ENOX1: variants seen among roughly 807,000 people sequenced by gnomAD.
The protein encoded by ENOX1 is ecto-NOX disulfide-thiol exchanger 1, also known as candidate growth-related and time keeping constitutive hydroquinone (NADH) oxidase.
Under a neutral mutation model 82.5 loss-of-function variants are expected in ENOX1, and 42 were observed. The observed-to-expected ratio is 0.51, with a 90% confidence interval of 0.40 to 0.66. The LOEUF is 0.66. Among genes scored for constraint, ENOX1 ranks in the 30% least tolerant of loss-of-function variants. The pLI, the probability that ENOX1 is intolerant of heterozygous loss-of-function variation, is 0.00. For missense variants in ENOX1, 608 were observed against 811.6 expected (o/e 0.75, Z 3.05); for synonymous variants, 271 against 282.2 (o/e 0.96, Z 0.40).
intron 2 of ENOX1, among the ~76,000 whole-genome samples, chr13:43,650,317 T>C (rs1280074978): frequency 1.3e-5 from 2 of 152,234 alleles, no homozygotes; most frequent in African/African-American, 2.4e-5. Context: ...TTGCTTTTTT[T>C]TCTTTTTATG....
At chr13:43,632,767 GTTTT>G (rs1287065593) in intron 2 of ENOX1, among the ~76,000 whole-genome samples, 2 of 152,006 alleles carry the variant, frequency 1.3e-5, no homozygotes, top group South Asian at 4.1e-4. Context: ...AATTTTAATT[GTTTT>G]ATTATAATTT....
chr13:43,570,870 A>G (rs751499113), intron 2 of ENOX1, among the ~76,000 whole-genome samples: 18 of 152,216 alleles, frequency 1.2e-4, no homozygotes, highest in Non-Finnish European at 2.4e-4. Flanking sequence ...TACATATTGT[A>G]TATTTTAGGC....
intron 9 of ENOX1, among the ~76,000 whole-genome samples, chr13:43,328,049 T>G (rs2048212848): frequency 1.3e-5 from 2 of 152,172 alleles, no homozygotes; most frequent in Non-Finnish European, 2.9e-5. Flanking sequence ...AGGATTTGCC[T>G]TCAATTTGTC....
chr13:43,695,144 C>T (rs926290355), intron 1 of ENOX1, among the ~76,000 whole-genome samples: 2 of 152,092 alleles, frequency 1.3e-5, no homozygotes, highest in Non-Finnish European at 2.9e-5. Flanking sequence ...CTCCTGCAGT[C>T]ACCAGGCCCC....
chr13:43,398,520 T>C (rs563240643), intron 5 of ENOX1, among the ~76,000 whole-genome samples: 1 of 152,310 alleles, frequency 6.6e-6, no homozygotes, highest in East Asian at 1.9e-4. Flanking sequence ...GCAAATACTC[T>C]AATGTAATTG....
intron 1 of ENOX1, among the ~76,000 whole-genome samples, chr13:43,689,567 G>T (rs180794225): frequency 6.6e-6 from 1 of 152,112 alleles, no homozygotes; most frequent in African/African-American, 2.4e-5. Context: ...TCAGCTTCTC[G>T]AAAAAGCCAG....
chr13:43,341,815 T>TA (rs1214326036), intron 9 of ENOX1, among the ~76,000 whole-genome samples: 6 of 152,168 alleles, frequency 3.9e-5, no homozygotes, highest in Admixed American at 2.6e-4. Flanking sequence ...GCAGGCCCAG[T>TA]CAAAAATTAT....
At chr13:43,683,824 A>G (rs1448991117) in intron 1 of ENOX1, among the ~76,000 whole-genome samples, 3 of 152,082 alleles carry the variant, frequency 2.0e-5, no homozygotes, top group Non-Finnish European at 2.9e-5. Context: ...GCCTCTGGCC[A>G]GAATTCAAGT....
At chr13:43,295,954 G>GTT (rs1394231618) in intron 12 of ENOX1, among the ~76,000 whole-genome samples, 1 of 152,094 alleles carries the variant, frequency 6.6e-6, no homozygotes, top group Admixed American at 6.5e-5. Flanking sequence ...GCTTTCTGTA[G>GTT]GTTAAAGAGG....
intron 14 of ENOX1, among the ~76,000 whole-genome samples, chr13:43,257,776 AG>A (rs1166461812): frequency 6.6e-6 from 1 of 152,222 alleles, no homozygotes; most frequent in African/African-American, 2.4e-5. Context: ...TATCTCTGGT[AG>A]GATTATCATG....
At chr13:43,412,081 G>C (rs1338122972) in intron 4 of ENOX1, 28 bp from the exon 5 acceptor site, 4 of 1,607,338 alleles carry the variant, frequency 2.5e-6, no homozygotes, top group African/African-American at 2.7e-5. Context: ...CCATGATTTA[G>C]AGTCCATAGG....
intron 3 of ENOX1, among the ~76,000 whole-genome samples, chr13:43,437,961 G>A (rs896815820): frequency 4.6e-5 from 7 of 152,286 alleles, no homozygotes; most frequent in African/African-American, 1.7e-4. Context: ...GAAAAAATTG[G>A]TGGGGAGGGA....
intron 2 of ENOX1, among the ~76,000 whole-genome samples, chr13:43,607,883 G>A (rs1182334184): frequency 6.6e-6 from 1 of 152,188 alleles, no homozygotes; most frequent in Non-Finnish European, 1.5e-5. Flanking sequence ...GACATCCTGT[G>A]AAATGTCTGT....
intron 12 of ENOX1, among the ~76,000 whole-genome samples, chr13:43,292,856 C>T (rs1352227179): frequency 6.6e-6 from 1 of 152,010 alleles, no homozygotes; most frequent in South Asian, 2.1e-4. Flanking sequence ...GTCACCATTT[C>T]TACCCCAGTC....
intron 2 of ENOX1, among the ~76,000 whole-genome samples, chr13:43,620,279 T>C (rs2082666269): frequency 6.6e-6 from 1 of 152,134 alleles, no homozygotes; most frequent in Non-Finnish European, 1.5e-5. Flanking sequence ...ATTTCCTTTC[T>C]TCTGCTGGGT....
At chr13:43,729,204 T>C (rs1332018558) in intron 1 of ENOX1, among the ~76,000 whole-genome samples, 1 of 152,190 alleles carries the variant, frequency 6.6e-6, no homozygotes, top group Non-Finnish European at 1.5e-5. Flanking sequence ...CAATATGTAC[T>C]CTGGATGTAA....
intron 1 of ENOX1, among the ~76,000 whole-genome samples, chr13:43,764,351 A>G (rs185617019): frequency 6.6e-6 from 1 of 152,352 alleles, no homozygotes; most frequent in East Asian, 1.9e-4. Flanking sequence ...AGGGCCTTAT[A>G]TTCCACAATG....
At chr13:43,567,968 T>C (rs1593859470) in intron 2 of ENOX1, among the ~76,000 whole-genome samples, 1 of 152,204 alleles carries the variant, frequency 6.6e-6, no homozygotes, top group East Asian at 1.9e-4. Context: ...CTTGTTTGGG[T>C]TTTAAAGCTT....
chr13:43,327,183 C>T (rs2048162845), intron 9 of ENOX1, among the ~76,000 whole-genome samples: 1 of 152,174 alleles, frequency 6.6e-6, no homozygotes, highest in African/African-American at 2.4e-5. Context: ...TCAAGACAGA[C>T]CAAAGCTCAC....
Sources: gnomAD v4.1 joint callset for allele counts (sites outside exome capture counted in the v4.1 genomes callset) on GRCh38, gnomAD v4.1.1 for gene constraint, MANE v1.5 for transcripts, NCBI Gene and HGNC (gene_info 2026-07-23, HGNC 2026-07-21) for gene names.